The following SETD5 variants were observed in gnomAD, a reference collection of about 807,000 sequenced individuals.
SETD5 encodes the protein histone-lysine N-methyltransferase SETD5.
A neutral mutation model predicts 153.3 loss-of-function variants in SETD5; 44 were observed. That is an observed-to-expected ratio of 0.29 (90% confidence interval 0.23 to 0.37). The LOEUF is 0.37. Ranked by LOEUF, SETD5 falls within the 10% of genes least tolerant of loss-of-function variation. The pLI is 1.00. For synonymous variants in SETD5, 716 were observed against 645.2 expected, an observed-to-expected ratio of 1.11 and a Z score of -1.66; for missense variants, 1,544 against 1,768.0, an observed-to-expected ratio of 0.87 and a Z score of 2.27.
intron 1 of SETD5, among the ~76,000 whole-genome samples, chr3:9,402,911 A>C: frequency 6.6e-6 from 1 of 152,202 alleles, no homozygotes; most frequent in Non-Finnish European, 1.5e-5. Context: ...GTCTAAGTAG[A>C]AAAGGAAGAT....
intron 16 of SETD5, among the ~76,000 whole-genome samples, chr3:9,449,170 T>A (rs1217536291): frequency 1.3e-5 from 2 of 152,224 alleles, no homozygotes; most frequent in Non-Finnish European, 2.9e-5. Flanking sequence ...TCGGACTGTT[T>A]ATTCCAAGAG....
In SETD5 at chr3:9,435,914, G is replaced by C; in HGVS notation, c.567+8G>C. The C allele has an allele frequency of 6.4e-7, 1 of 1,560,088 alleles. No individual in the cohort carries two copies. Among genetic ancestry groups the C allele is most frequent in the Non-Finnish European group, 8.7e-7 (1 of 1,155,180 alleles). On this transcript the variant is annotated splice_region_variant and intron_variant, in intron 7 of 22. Coordinates refer to ENST00000402198, the MANE Select transcript of SETD5 (RefSeq NM_001080517.3). ...AAGACGAAGAAAATCAAGGTATGCA[G>C]GGTAAAAATATCTTAAATAGAAATT...
chr3:9,426,716 T>C (rs2039308464), intron 2 of SETD5, among the ~76,000 whole-genome samples: 2 of 151,864 alleles, frequency 1.3e-5, no homozygotes, highest in Admixed American at 1.3e-4. Flanking sequence ...TTTTGTATTT[T>C]TAGTAGAGAC....
intron 1 of SETD5, among the ~76,000 whole-genome samples, chr3:9,421,481 A>G (rs990683560): frequency 2.6e-5 from 4 of 152,056 alleles, no homozygotes; most frequent in African/African-American, 9.7e-5. Flanking sequence ...CTCCTAAGGT[A>G]AAAGGCTGTT....
chr3:9,475,583 A>G lies in SETD5; in HGVS notation c.3821A>G (p.Tyr1274Cys), dbSNP rs748926444. The change falls in exon 23 of 23, where the codon TAT becomes TGT. Residue 1274 changes from tyrosine to cysteine, a missense_variant. By Grantham distance (194) the Tyr-to-Cys change is radical. Coordinates refer to ENST00000402198, the MANE Select transcript of SETD5 (RefSeq NM_001080517.3). ...GHPTQSPGYS[Y>C]RTTALRPGNP... ...CCTACACAGTCTCCAGGATACAGTT[A>G]TCGAACTACTGCACTGAGACCTGGA... 1.7e-5 allele frequency: 27 copies of G among 1,613,798 alleles called. No individual in the cohort carries two copies. The highest frequency in any genetic ancestry group is 2.2e-5 in the East Asian group (1 of 44,874).
chr3:9,453,044 T>G (rs924332607), intron 16 of SETD5, among the ~76,000 whole-genome samples: 2 of 152,340 alleles, frequency 1.3e-5, no homozygotes, highest in African/African-American at 4.8e-5. Context: ...TCTTGTCAGT[T>G]TATTATTCTA....
chr3:9,412,854 C>T (rs1330152132), intron 1 of SETD5, among the ~76,000 whole-genome samples: 2 of 150,958 alleles, frequency 1.3e-5, no homozygotes, highest in Admixed American at 6.6e-5. Flanking sequence ...TGGTCATTGT[C>T]GATACTAGAT....
intron 1 of SETD5, among the ~76,000 whole-genome samples, chr3:9,399,092 C>T (rs539671969): frequency 6.6e-6 from 1 of 152,258 alleles, no homozygotes; most frequent in East Asian, 1.9e-4. Flanking sequence ...TGAACGAATC[C>T]CCAAGTTCTG....
At chr3:9,456,672 A>C (rs1477959822) in intron 17 of SETD5, among the ~76,000 whole-genome samples, 1 of 151,974 alleles carries the variant, frequency 6.6e-6, no homozygotes, top group Non-Finnish European at 1.5e-5. Context: ...TTTGTGGATT[A>C]ATAAATACAT....
chr3:9,469,026 G>C (rs1409750043), intron 18 of SETD5, among the ~76,000 whole-genome samples: 4 of 152,148 alleles, frequency 2.6e-5, no homozygotes, highest in African/African-American at 9.7e-5. Flanking sequence ...TAATCTAACA[G>C]CTCTGTAAAC....
At chr3:9,454,710 A>G (rs1047565270) in intron 17 of SETD5, among the ~76,000 whole-genome samples, 1 of 151,778 alleles carries the variant, frequency 6.6e-6, no homozygotes, top group African/African-American at 2.4e-5. Context: ...CTAGATGTCA[A>G]TGAAAAATCA....
chr3:9,474,180 A>G (rs981829172), intron 20 of SETD5, among the ~76,000 whole-genome samples: 1 of 152,220 alleles, frequency 6.6e-6, no homozygotes, highest in African/African-American at 2.4e-5. Context: ...TAAAGGAGAA[A>G]TTTTAACATT....
At chr3:9,399,683 A>T (rs2034431299) in intron 1 of SETD5, among the ~76,000 whole-genome samples, 2 of 152,124 alleles carry the variant, frequency 1.3e-5, no homozygotes, top group African/African-American at 4.8e-5. Context: ...TTCACTCCTA[A>T]ACTGCTGGCT....
chr3:9,436,402 C>CG (rs1478500300), intron 7 of SETD5, among the ~76,000 whole-genome samples: 3 of 152,200 alleles, frequency 2.0e-5, no homozygotes, highest in African/African-American at 4.8e-5. Flanking sequence ...AAAATGTCTA[C>CG]GGGAGAAACT....
chr3:9,445,737 G>T lies in SETD5; in HGVS notation c.1521G>T (p.Arg507Ser). The change falls in exon 13 of 23, where the codon AGG becomes AGT. Residue 507 changes from arginine (R) to serine (S), a missense_variant. Physicochemically the swap from Arg to Ser is moderately radical, Grantham distance 110. Coordinates refer to ENST00000402198, the MANE Select transcript of SETD5 (RefSeq NM_001080517.3). ...IDDQENLAHS[R>S]RTREDRKVEA... Reference sequence around the variant, plus strand: ...ACCAGGAGAACCTAGCTCATAGCAGGAGGGTGAGTACTGTCTGACATTACT... The same window carrying T: ...ACCAGGAGAACCTAGCTCATAGCAGTAGGGTGAGTACTGTCTGACATTACT... 6.2e-7 allele frequency: 1 copy of T among 1,611,278 alleles called. No individual in the cohort carries two copies. Among genetic ancestry groups the T allele is most frequent in the South Asian group, 1.1e-5 (1 of 90,728 alleles).
chr3:9,451,279 C>A (rs2125322885), intron 16 of SETD5, among the ~76,000 whole-genome samples: 1 of 152,334 alleles, frequency 6.6e-6, no homozygotes, highest in South Asian at 2.1e-4. Context: ...AAAATCTGCT[C>A]AGTGTTCAGT....
At chr3:9,443,075 T>C (rs191159679) in intron 10 of SETD5, 1 of 387,330 alleles carries the variant, frequency 2.6e-6, no homozygotes, top group Admixed American at 4.0e-5. Context: ...TTTACCCTGA[T>C]TTCTAACATC....
At chr3:9,413,646 C>T (rs927156862) in intron 1 of SETD5, among the ~76,000 whole-genome samples, 14 of 99,424 alleles carry the variant, frequency 1.4e-4, no homozygotes, top group African/African-American at 6.8e-4. Context: ...TGGGGGGAGG[C>T]GGGGTGTGTG....
intron 11 of SETD5, among the ~76,000 whole-genome samples, chr3:9,444,505 C>T (rs576721229): frequency 6.6e-6 from 1 of 152,006 alleles, no homozygotes; most frequent in Admixed American, 6.5e-5. Context: ...AGCCAATAAA[C>T]CACTGGGGGG....
Sources: gnomAD v4.1 joint callset for allele counts (sites outside exome capture counted in the v4.1 genomes callset) on GRCh38, gnomAD v4.1.1 for gene constraint, MANE v1.5 for transcripts, NCBI Gene and HGNC (gene_info 2026-07-23, HGNC 2026-07-21) for gene names.